Variants in PPM1A observed in about 807,000 individuals in gnomAD.
PPM1A encodes the protein protein phosphatase 1A.
PPM1A carries 7 observed loss-of-function variants against 35.0 expected under a neutral mutation model. The ratio of observed to expected loss-of-function variants is 0.20; its 90% CI spans 0.11 to 0.38. The LOEUF (loss-of-function observed/expected upper bound fraction) is 0.38, where lower values mean the gene tolerates loss of function less well. Among genes scored for constraint, PPM1A ranks in the 10% least tolerant of loss-of-function variants. The pLI is 1.00. For synonymous variants in PPM1A, 153 were observed against 167.3 expected (o/e 0.91, Z 0.66); for missense variants, 239 against 467.8 (o/e 0.51, Z 4.51).
intron 1 of PPM1A, among the ~76,000 whole-genome samples, chr14:60,266,484 T>C (rs530116647): frequency 8.5e-5 from 13 of 152,326 alleles, no homozygotes; most frequent in African/African-American, 2.6e-4. Context: ...CTGGTATTGT[T>C]TTATTATTAA....
intron 1 of PPM1A, among the ~76,000 whole-genome samples, chr14:60,253,359 T>C (rs1882670315): frequency 6.6e-6 from 1 of 152,190 alleles, no homozygotes; most frequent in African/African-American, 2.4e-5. Flanking sequence ...TTTTTTGCCA[T>C]AACCCTCTAA....
rs1235243366 is a variant in PPM1A at position 60,297,682 on chromosome 14, T to G, written c.*5200T>G. 6.6e-6 allele frequency: 1 copy of G among 151,724 alleles called. No homozygotes were observed. The highest frequency in any genetic ancestry group is 1.5e-5 in the Non-Finnish European group (1 of 67,682). 9.4% of individuals were successfully genotyped at this position (151,724 alleles called of 1,614,324 possible). ...TACTATCTAAAGTAAGTTAGATTGA[T>G]GTAAGAGATCGGGTAGCTGCGGAAC... On this transcript the variant is annotated 3_prime_UTR_variant, in exon 6 of 6. Coordinates refer to ENST00000395076, the MANE Select transcript of PPM1A (RefSeq NM_021003.5).
chr14:60,245,859 T>C, upstream of PPM1A: 2 of 1,591,444 alleles, frequency 1.3e-6, no homozygotes, highest in South Asian at 2.3e-5. This position sits in a 1 kb window ranked among gnomAD's most constrained non-coding sequence, Gnocchi z 4.2. Context: ...TGTTCTGTTC[T>C]GGGAGAAAAT....
Position 60,283,642 on chromosome 14 carries a change from CACAACTGTAGG to C in PPM1A, c.834+107_834+117del. ...CTGTAATTCTGAAACCAGTTTTTGG[CACAACTGTAGG>C]ATACTGTTCACCAATTATGAAAATA... On this transcript the variant is annotated intron_variant, in intron 2 of 5. Coordinates refer to ENST00000395076, the MANE Select transcript of PPM1A (RefSeq NM_021003.5). The surrounding 1 kb of genome is among the most constrained non-coding windows in gnomAD (Gnocchi z 6.3). 1.7e-6 allele frequency: 2 copies of C among 1,191,002 alleles called. No homozygotes were observed. The highest frequency in any genetic ancestry group is 2.3e-6 in the Non-Finnish European group (2 of 860,668). The allele number at this position is 1,191,002 out of a possible 1,614,324, so 73.8% of individuals were successfully genotyped here.
At chr14:60,286,941 A>G (rs1887080874) in intron 3 of PPM1A, 1 of 892,750 alleles carries the variant, frequency 1.1e-6, no homozygotes, top group South Asian at 5.2e-5. Context: ...AATATAAGTT[A>G]TTTATAGGTA....
chr14:60,297,189 C>T lies in PPM1A; in HGVS notation c.*4707C>T, dbSNP rs941734444. ...AGCAAGAAAGCTTAGTGTGTTACTT[C>T]ATCAAGGCCAGCTAATACTGTGTTA... is the stretch of plus-strand genomic sequence containing the variant. On this transcript the variant is annotated 3_prime_UTR_variant, in exon 6 of 6. Coordinates refer to ENST00000395076, the MANE Select transcript of PPM1A (RefSeq NM_021003.5). 1.3e-5 allele frequency: 2 copies of T among 151,512 alleles called. No homozygotes were observed. The highest frequency in any genetic ancestry group is 3.0e-5 in the Non-Finnish European group (2 of 67,638). 9.4% of individuals were successfully genotyped at this position (151,512 alleles called of 1,614,324 possible).
intron 1 of PPM1A, among the ~76,000 whole-genome samples, chr14:60,259,403 C>G (rs1393817225): frequency 2.6e-5 from 4 of 151,886 alleles, no homozygotes; most frequent in African/African-American, 7.3e-5. Context: ...TGTAGATGCT[C>G]TATGTGAGGT....
intron 1 of PPM1A, among the ~76,000 whole-genome samples, chr14:60,277,772 G>A (rs1011116881): frequency 1.2e-4 from 18 of 152,174 alleles, no homozygotes; most frequent in African/African-American, 4.1e-4. Flanking sequence ...GCTCTGTATG[G>A]GTGCCTTGCA....
intron 4 of PPM1A, 99 bp from the exon 5 acceptor site, chr14:60,291,298 T>G: frequency 1.3e-6 from 1 of 790,130 alleles, no homozygotes; most frequent in African/African-American, 1.8e-5. Flanking sequence ...TATCTGAGTA[T>G]AAGATTATCT....
At chr14:60,268,883 A>G (rs1222298715) in intron 1 of PPM1A, among the ~76,000 whole-genome samples, 1 of 149,502 alleles carries the variant, frequency 6.7e-6, no homozygotes, top group South Asian at 2.1e-4. Context: ...TTCTTTACAC[A>G]TTATCAATAT....
chr14:60,260,123 A>C (rs1013853451), intron 1 of PPM1A, among the ~76,000 whole-genome samples: 3 of 151,740 alleles, frequency 2.0e-5, no homozygotes, highest in African/African-American at 7.3e-5. Context: ...ATTTTGGGGT[A>C]AAAAAAATGG....
chr14:60,291,732 G>C (rs185717560), intron 5 of PPM1A, among the ~76,000 whole-genome samples: 1 of 148,692 alleles, frequency 6.7e-6, no homozygotes, highest in East Asian at 1.9e-4. Flanking sequence ...ACTTCAGAAG[G>C]TTTGCCTCCA....
At chr14:60,287,552 T>C (rs1887145522) in intron 3 of PPM1A, 2 of 985,238 alleles carry the variant, frequency 2.0e-6, no homozygotes, top group South Asian at 4.7e-5. Context: ...TGAATGCCTT[T>C]TTCTTTTCTC....
At chr14:60,268,107 C>T (rs868472090) in intron 1 of PPM1A, among the ~76,000 whole-genome samples, 1 of 151,952 alleles carries the variant, frequency 6.6e-6, no homozygotes, top group Non-Finnish European at 1.5e-5. Context: ...AACAATCTTC[C>T]CCTCCCCATT....
rs1308326140 is a variant in PPM1A at position 60,249,987 on chromosome 14, C to T, written c.-21+310C>T. Among the ~76,000 whole-genome samples the T allele has an allele frequency of 4.0e-5, 6 of 151,458 alleles. No homozygotes were observed. Among genetic ancestry groups the T allele is most frequent in the Non-Finnish European group, 5.9e-5 (4 of 67,738 alleles). On this transcript the variant is annotated intron_variant, in intron 1 of 5. Transcript: ENST00000395076. This position sits in a 1 kb window ranked among gnomAD's most constrained non-coding sequence, Gnocchi z 4.5. ...TGGGTGTTTGTGGCGGCGAAGCAGGCGACGGCCGCAGGCCGGCCTGGCCGG... is the reference window on the plus strand; with the variant it reads ...TGGGTGTTTGTGGCGGCGAAGCAGGTGACGGCCGCAGGCCGGCCTGGCCGG...
At position 60,298,915 on chromosome 14, in the gene PPM1A, C is replaced by G. The variant is rs1888261544; in HGVS notation, c.*6433C>G. The G allele has an allele frequency of 6.6e-6, 1 of 151,676 alleles. No homozygotes were observed. The highest frequency in any genetic ancestry group is 1.5e-5 in the Non-Finnish European group (1 of 67,754). 9.4% of individuals were successfully genotyped at this position (151,676 alleles called of 1,614,324 possible). ...TTGTATTATGTATTATTTCCTGGTC[C>G]AAAGAAAATATGTGAATTCAGTTCT... On this transcript the variant is annotated 3_prime_UTR_variant, in exon 6 of 6. Coordinates refer to ENST00000395076, the MANE Select transcript of PPM1A (RefSeq NM_021003.5).
chr14:60,280,641 A>G (rs1372978990), intron 1 of PPM1A, among the ~76,000 whole-genome samples: 4 of 152,078 alleles, frequency 2.6e-5, no homozygotes, highest in African/African-American at 9.7e-5. Flanking sequence ...GTAACCTAGG[A>G]TAGTGGTCTT....
intron 3 of PPM1A, chr14:60,287,458 A>G (rs1887132878): frequency 3.0e-6 from 3 of 984,982 alleles, no homozygotes; most frequent in Non-Finnish European, 3.6e-6. Flanking sequence ...CTGCTATTTT[A>G]AAACATAGAA....
Position 60,295,673 on chromosome 14 carries a change from A to T in PPM1A, c.*3191A>T, listed in dbSNP as rs1230974773. 2.0e-5 allele frequency: 3 copies of T among 151,638 alleles called. No homozygotes were observed. Among genetic ancestry groups the T allele is most frequent in the Admixed American group, 6.6e-5 (1 of 15,192 alleles). 9.4% of individuals were successfully genotyped at this position (151,638 alleles called of 1,614,324 possible). A position where few individuals can be genotyped will look rare whatever the true frequency, so the allele number is the denominator to read the frequency against. On this transcript the variant is annotated 3_prime_UTR_variant, in exon 6 of 6. Transcript: ENST00000395076. ...GCTAAGCACATTGGGACTGTAAAGA[A>T]ATGAGTAGATCCTTGGCTTCAAGTT... is the stretch of plus-strand genomic sequence containing the variant.
Sources: allele counts gnomAD v4.1 joint callset (sites outside exome capture counted in the v4.1 genomes callset), GRCh38; gene constraint gnomAD v4.1.1; non-coding constraint Gnocchi (gnomAD v3.1); transcripts MANE v1.5; gene names NCBI Gene and HGNC (gene_info 2026-07-23, HGNC 2026-07-21).